Variants in CLCA4 observed in about 807,000 individuals in gnomAD.
The protein encoded by CLCA4 is chloride channel accessory 4, also known as calcium-activated chloride channel regulator 4.
A neutral mutation model predicts 78.9 loss-of-function variants in CLCA4; 69 were observed. The ratio of observed to expected loss-of-function variants is 0.87; its 90% confidence interval spans 0.72 to 1.07. The LOEUF is 1.07. CLCA4 is among the 50% of genes least tolerant of loss of function. CLCA4 has a pLI of 0.00. For missense variants in CLCA4, 1,133 were observed against 1,095.8 expected (o/e 1.03, Z -0.48); for synonymous variants, 362 against 375.8 (o/e 0.96, Z 0.42).
chr1:86,570,915 C>T (rs1335468571), intron 7 of CLCA4, among the ~76,000 whole-genome samples, 162 bp from the exon 8 acceptor site: 4 of 152,002 alleles, frequency 2.6e-5, no homozygotes, highest in African/African-American at 9.7e-5. Flanking sequence ...TTTAACTTTC[C>T]CCAAGGATTG....
At chr1:86,578,344 T>G (rs911377713) in intron 12 of CLCA4, among the ~76,000 whole-genome samples, 3 of 151,992 alleles carry the variant, frequency 2.0e-5, no homozygotes, top group Admixed American at 6.6e-5. Context: ...ATGTGCAGGT[T>G]TGTTATATAG....
chr1:86,547,580 C>A (rs997187923), intron 1 of CLCA4, among the ~76,000 whole-genome samples: 6 of 152,142 alleles, frequency 3.9e-5, no homozygotes, highest in African/African-American at 7.2e-5. Flanking sequence ...CATAACTGTG[C>A]TTTTGTACAC....
intron 1 of CLCA4, 80 bp from the exon 2 acceptor site, chr1:86,559,852 G>T: frequency 8.9e-7 from 1 of 1,126,530 alleles, no homozygotes; most frequent in South Asian, 1.4e-5. Context: ...TCTTAAGTTG[G>T]GAAATGCCTG....
At chr1:86,562,104 A>T (rs1056567984) in intron 3 of CLCA4, among the ~76,000 whole-genome samples, 4 of 152,168 alleles carry the variant, frequency 2.6e-5, no homozygotes, top group African/African-American at 9.7e-5. Flanking sequence ...ACATGGTGCA[A>T]GGAAGGGGAG....
At position 86,575,488 on chromosome 1, in the gene CLCA4, T is replaced by C; in HGVS notation, c.1840T>C (p.Tyr614His). 6.2e-7 allele frequency: 1 copy of C among 1,613,556 alleles called. No homozygotes were observed. The highest frequency in any genetic ancestry group is 1.1e-5 in the South Asian group (1 of 91,078). ...VNSFPSPMIV[Y>H]AEILQGYVPV... ...CAGTTTCCCCAGCCCAATGATTGTT[T>C]ACGCAGAAATTCTACAAGGATATGT... Residue 614 changes from tyrosine (Y) to histidine (H), a missense_variant, in exon 11 of 14, where the codon TAC becomes CAC. Coordinates refer to ENST00000370563, the MANE Select transcript of CLCA4 (RefSeq NM_012128.4).
chr1:86,552,939 C>G (rs976498082), intron 1 of CLCA4: 1 of 648,084 alleles, frequency 1.5e-6, no homozygotes, highest in Non-Finnish European at 2.8e-6. Context: ...GGTGCCTCGG[C>G]GTCTGTGCTG....
chr1:86,572,802 C>A, intron 9 of CLCA4, 82 bp downstream of exon 9: 1 of 819,950 alleles, frequency 1.2e-6, no homozygotes, highest in Non-Finnish European at 2.1e-6. Context: ...TTTTGAGTTC[C>A]ATATTTTTCT....
intron 3 of CLCA4, 21 bp from the exon 4 acceptor site, chr1:86,563,640 A>G (rs771328261): frequency 1.6e-6 from 2 of 1,287,814 alleles, no homozygotes; most frequent in Non-Finnish European, 2.2e-6. Flanking sequence ...ATGATCATGT[A>G]TTTGAAATGC....
chr1:86,567,781 G>A (rs1650245700), intron 7 of CLCA4, 130 bp downstream of exon 7: 5 of 714,778 alleles, frequency 7.0e-6, no homozygotes, highest in Non-Finnish European at 1.1e-5. Flanking sequence ...ACAGGACTAA[G>A]CATATAGAAA....
intron 1 of CLCA4, among the ~76,000 whole-genome samples, chr1:86,557,528 T>G (rs902347345): frequency 1.3e-5 from 2 of 152,204 alleles, no homozygotes; most frequent in Non-Finnish European, 2.9e-5. Context: ...TGGTTTTTAG[T>G]GATGTTCTTA....
rs770747813 is a variant in CLCA4, at chr1:86,579,588, G to A, written c.2356+1G>A. 7 of 1,365,494 alleles carry A rather than the reference G, an allele frequency of 5.1e-6. No individual in the cohort carries two copies. In the South Asian group the frequency reaches 8.0e-5, roughly 16 times the overall value. 84.6% of individuals were successfully genotyped at this position (1,365,494 alleles called of 1,614,324 possible). A position where few individuals can be genotyped will look rare whatever the true frequency, so the allele number is the denominator to read the frequency against. On this transcript the variant is annotated splice_donor_variant, in intron 13 of 13. Transcript: ENST00000370563. LOFTEE classifies it high-confidence loss of function. ...GGAGATAATTTTGATGTTGGAAAAG[G>A]TAAGGATGAAGTGTCATGTGATTTT...
chr1:86,552,604 G>A (rs1271303281), intron 1 of CLCA4: 3 of 640,124 alleles, frequency 4.7e-6, no homozygotes, highest in Middle Eastern at 2.8e-4. Flanking sequence ...AGCTGCGAGC[G>A]CTCAGGGCTC....
intron 4 of CLCA4, 28 bp downstream of exon 4, chr1:86,563,797 A>G (rs763726390): frequency 3.2e-6 from 4 of 1,263,076 alleles, no homozygotes; most frequent in South Asian, 1.3e-5. Context: ...TTCTAAACTG[A>G]CTTCAGGCTT....
chr1:86,548,983 T>C (rs57017291), intron 1 of CLCA4, among the ~76,000 whole-genome samples: 1,600 of 152,322 alleles, frequency 0.011, 31 homozygotes, highest in African/African-American at 0.036. Flanking sequence ...CTTTGTTGAA[T>C]GTTTATGACA....
At chr1:86,578,447 C>T (rs1164968146) in intron 12 of CLCA4, among the ~76,000 whole-genome samples, 1 of 151,970 alleles carries the variant, frequency 6.6e-6, no homozygotes, top group Non-Finnish European at 1.5e-5. Context: ...TGACCCTCTC[C>T]CTCCTCCCAA....
chr1:86,566,556 A>C (rs1014981557), intron 6 of CLCA4, among the ~76,000 whole-genome samples: 2 of 152,080 alleles, frequency 1.3e-5, no homozygotes, highest in South Asian at 4.1e-4. Context: ...GCTGAAGAAC[A>C]GGAATAAGGT....
chr1:86,555,838 T>C (rs957495668), intron 1 of CLCA4, among the ~76,000 whole-genome samples: 5 of 152,234 alleles, frequency 3.3e-5, no homozygotes, highest in Admixed American at 1.3e-4. Flanking sequence ...GAGCATGGGA[T>C]GTTTTCCATT....
chr1:86,553,015 C>T (rs2101790748), intron 1 of CLCA4: 2 of 624,010 alleles, frequency 3.2e-6, no homozygotes, highest in Non-Finnish European at 5.8e-6. Context: ...AGAGGCAGGA[C>T]GTGCCCCCTC....
At chr1:86,566,152 C>T (rs1650184705) in intron 6 of CLCA4, 132 bp downstream of exon 6, 1 of 594,988 alleles carries the variant, frequency 1.7e-6, no homozygotes, top group Non-Finnish European at 2.7e-6. Context: ...ATGATCATGA[C>T]TTCAAGATAC....
Sources: allele counts gnomAD v4.1 joint callset (sites outside exome capture counted in the v4.1 genomes callset), GRCh38; gene constraint gnomAD v4.1.1; transcripts MANE v1.5; gene names NCBI Gene and HGNC (gene_info 2026-07-23, HGNC 2026-07-21).